The following TEX11 variants were observed in gnomAD, a reference collection of about 807,000 sequenced individuals.
TEX11 encodes the protein testis expressed 11.
In TEX11, 7 loss-of-function variants were observed where a neutral mutation model predicts 84.4. The observed-to-expected ratio is 0.08, with a 90% confidence interval of 0.05 to 0.16. TEX11 has a LOEUF of 0.16. Among genes scored for constraint, TEX11 ranks in the 10% least tolerant of loss-of-function variants. The probability of loss-of-function intolerance (pLI) is 1.00; values close to 1 mark genes in which losing one functional copy is unlikely to be tolerated. For synonymous variants in TEX11, 264 were observed against 222.8 expected (o/e 1.18, Z -1.64); for missense variants, 551 against 660.5 (o/e 0.83, Z 1.82).
intron 13 of TEX11, among the ~76,000 whole-genome samples, chrX:70,684,733 G>A (rs2090173783): frequency 1.8e-5 from 2 of 112,208 alleles, no homozygotes; most frequent in African/African-American, 6.5e-5. Context: ...ACTACTCAAA[G>A]TGATCTACAA....
chrX:70,618,127 C>T (rs924422913), intron 20 of TEX11, among the ~76,000 whole-genome samples: 11 of 111,962 alleles, frequency 9.8e-5, no homozygotes, highest in African/African-American at 3.2e-4. Flanking sequence ...GTGGTAAAAG[C>T]CCCTGTGTTT....
intron 24 of TEX11, among the ~76,000 whole-genome samples, chrX:70,593,289 C>A (rs1034239155): frequency 8.9e-6 from 1 of 111,766 alleles, no homozygotes; most frequent in African/African-American, 3.3e-5. Context: ...AAAGACTGTG[C>A]CTTCCAAAGA....
chrX:70,808,443 C>T (rs1357631226), intron 8 of TEX11, among the ~76,000 whole-genome samples: 1 of 108,496 alleles, frequency 9.2e-6, no homozygotes, highest in Non-Finnish European at 1.9e-5. Context: ...GCAGAGGTTG[C>T]AGTGAGCTGA....
chrX:70,903,045 A>C (rs2091811455), intron 2 of TEX11, among the ~76,000 whole-genome samples: 1 of 111,602 alleles, frequency 9.0e-6, no homozygotes, highest in Non-Finnish European at 1.9e-5. Flanking sequence ...ACTGTCTTCC[A>C]CCTCCACGTT....
intron 13 of TEX11, among the ~76,000 whole-genome samples, chrX:70,694,229 C>A (rs1281446484): frequency 1.8e-5 from 2 of 110,773 alleles, no homozygotes; most frequent in Non-Finnish European, 3.8e-5. Flanking sequence ...ATTTTTAGTA[C>A]AGACGAGGTT....
chrX:70,896,847 C>T (rs1362667940), intron 2 of TEX11, among the ~76,000 whole-genome samples: 2 of 109,837 alleles, frequency 1.8e-5, no homozygotes, highest in Non-Finnish European at 3.8e-5. Flanking sequence ...GGGAGGGGAA[C>T]ATCACACACC....
At chrX:70,843,741 T>A (rs1358050761) in intron 7 of TEX11, among the ~76,000 whole-genome samples, 1 of 111,265 alleles carries the variant, frequency 9.0e-6, no homozygotes, top group Admixed American at 9.6e-5. Flanking sequence ...GAATCTACAA[T>A]GAACTCAAAC....
At chrX:70,636,692 T>C (rs1195654428) in intron 17 of TEX11, among the ~76,000 whole-genome samples, 1 of 112,185 alleles carries the variant, frequency 8.9e-6, no homozygotes, top group Non-Finnish European at 1.9e-5. Flanking sequence ...GCCAGCCCCA[T>C]TGGATACAGG....
At chrX:70,858,447 A>G (rs2091549640) in intron 5 of TEX11, among the ~76,000 whole-genome samples, 1 of 107,505 alleles carries the variant, frequency 9.3e-6, no homozygotes, top group African/African-American at 3.4e-5. Context: ...ATCTCAAGAA[A>G]AAAAAAAAAA....
intron 21 of TEX11, 25 bp from the exon 22 acceptor site, chrX:70,609,202 A>G: frequency 8.7e-7 from 1 of 1,154,486 alleles, no homozygotes; most frequent in African/African-American, 1.8e-5. Flanking sequence ...AAAATTTGAT[A>G]CTGATGGTCT....
chrX:70,566,572 C>G (rs989995830), intron 25 of TEX11, among the ~76,000 whole-genome samples: 15 of 111,196 alleles, frequency 1.3e-4, no homozygotes, highest in Admixed American at 3.8e-4. Context: ...TTTTGAAATA[C>G]ATCCCATCAA....
chrX:70,783,573 C>T (rs1028423404), intron 9 of TEX11, among the ~76,000 whole-genome samples: 9 of 111,182 alleles, frequency 8.1e-5, no homozygotes, highest in Non-Finnish European at 1.7e-4. Flanking sequence ...ATTGATAGAC[C>T]GCTAGCAAGA....
Position 70,853,282 on chromosome X carries a change from A to G in TEX11, c.371T>C (p.Leu124Pro). 1 of 1,210,143 alleles carries G rather than the reference A, an allele frequency of 8.3e-7. No individual in the cohort carries two copies. The highest frequency in any genetic ancestry group is 1.1e-6 in the Non-Finnish European group (1 of 893,810). ...GKEWLDAGNFLIADECFQAAV... is the reference protein window; with the variant it reads ...GKEWLDAGNFPIADECFQAAV... ...AGCTTGAAAACATTCATCAGCGATT[A>G]GAAAATTTCCAGCATCCAACCATTC... is the stretch of plus-strand genomic sequence containing the variant. Residue 124 changes from leucine (L) to proline (P), a missense_variant, in exon 6 of 30, where the codon CTA becomes CCA. Physicochemically the swap from Leu to Pro is moderately conservative, Grantham distance 98 (BLOSUM62 -3). Transcript: ENST00000374333.
intron 3 of TEX11, among the ~76,000 whole-genome samples, chrX:70,875,703 TCG>T (rs2091652433): frequency 9.1e-6 from 1 of 110,430 alleles, no homozygotes; most frequent in Non-Finnish European, 1.9e-5. Context: ...TGAGCCGAGA[TCG>T]TGCCACTGCA....
At chrX:70,642,126 G>C (rs1184574219) in intron 17 of TEX11, among the ~76,000 whole-genome samples, 1 of 111,247 alleles carries the variant, frequency 9.0e-6, no homozygotes. Flanking sequence ...TACCATCAGA[G>C]AATACTAAAA....
Position 70,556,674 on chromosome X carries a change from T to A in TEX11, c.2141-1874A>T, listed in dbSNP as rs144257892. The stretch of plus-strand genomic sequence containing the variant: ...TAGTGTTGCTCATGTCTTCTACATC[T>A]TTATTGAGTATTTGTTGACCTATTC... On this transcript the variant is annotated intron_variant, in intron 25 of 29. Transcript: ENST00000374333. Among the ~76,000 whole-genome samples, 731 of 111,656 alleles carry A rather than the reference T, an allele frequency of 6.5e-3. 3 individuals are homozygous for A. The highest frequency in any genetic ancestry group is 0.017 in the East Asian group (60 of 3,554).
intron 9 of TEX11, among the ~76,000 whole-genome samples, chrX:70,748,504 T>C (rs1354628764): frequency 8.9e-6 from 1 of 111,881 alleles, no homozygotes; most frequent in South Asian, 3.7e-4. Context: ...CCCATGCCTA[T>C]GTCCTGAATG....
At chrX:70,853,797 G>T (rs1350628506) in intron 5 of TEX11, among the ~76,000 whole-genome samples, 2 of 111,981 alleles carry the variant, frequency 1.8e-5, no homozygotes, top group African/African-American at 3.2e-5. Context: ...GTAACTGGTA[G>T]ATATCCCAAC....
chrX:70,636,879 C>T lies in TEX11; in HGVS notation c.1484-7144G>A, dbSNP rs975427633. Among the ~76,000 whole-genome samples the T allele has an allele frequency of 3.8e-4, 43 of 111,909 alleles. No individual in the cohort carries two copies. In the Admixed American group the frequency reaches 4.1e-3, roughly 11 times the overall value. ...CATGTGAACCATGCAAAACAGCCTA[C>T]CCATAGTTCCTTGATAGGCCAATAA... On this transcript the variant is annotated intron_variant, in intron 17 of 29. Coordinates refer to ENST00000374333, the MANE Select transcript of TEX11 (RefSeq NM_031276.3).
Sources: allele counts gnomAD v4.1 joint callset (sites outside exome capture counted in the v4.1 genomes callset), GRCh38; gene constraint gnomAD v4.1.1; transcripts MANE v1.5; gene names NCBI Gene and HGNC (gene_info 2026-07-23, HGNC 2026-07-21).